TRIM58: variants seen among roughly 807,000 people sequenced by gnomAD.
The protein encoded by TRIM58 is tripartite motif containing 58.
In TRIM58, 38 loss-of-function variants were observed where a neutral mutation model predicts 34.1. The observed-to-expected ratio is 1.12, with a 90% CI of 0.86 to 1.46. The LOEUF (loss-of-function observed/expected upper bound fraction) is 1.46. TRIM58 is among the 40% of genes most tolerant of loss of function. The probability of loss-of-function intolerance (pLI) is 0.00; values close to 1 mark genes in which losing one functional copy is unlikely to be tolerated. For synonymous variants in TRIM58, 273 were observed against 275.7 expected (o/e 0.99, Z 0.10); for missense variants, 677 against 642.0 (o/e 1.05, Z -0.59).
intron 5 of TRIM58, among the ~76,000 whole-genome samples, chr1:247,868,956 G>A (rs868314593): frequency 6.6e-6 from 1 of 152,160 alleles, no homozygotes; most frequent in Non-Finnish European, 1.5e-5. Context: ...CTGGAGTGCA[G>A]TGGCGCCATC....
In TRIM58 at chr1:247,878,323, C is replaced by T. The variant is rs899657776; in HGVS notation, c.*1834C>T. The T allele has an allele frequency of 1.2e-4, 18 of 151,828 alleles. No individual in the cohort carries two copies. Among genetic ancestry groups the T allele is most frequent in the Non-Finnish European group, 1.8e-4 (12 of 67,984 alleles). The allele number at this position is 151,828 out of a possible 1,614,324, so 9.4% of individuals were successfully genotyped here. ...ATAATCTGCAGAAGGTTTAATTTTCCTCCTCAATTTGAAGTTCAAGATGTT... is the reference window on the plus strand; with the variant it reads ...ATAATCTGCAGAAGGTTTAATTTTCTTCCTCAATTTGAAGTTCAAGATGTT... On this transcript the variant is annotated 3_prime_UTR_variant, in exon 6 of 6. Coordinates refer to ENST00000366481, the MANE Select transcript of TRIM58 (RefSeq NM_015431.4).
chr1:247,864,740 G>T lies in TRIM58; in HGVS notation c.552G>T (p.Leu184Phe). Residue 184 changes from leucine (L) to phenylalanine (F), a missense_variant, in exon 3 of 6, where the codon TTG (leucine) becomes TTT (phenylalanine). Transcript: ENST00000366481. ...AAATGCAGAGGCAGCGCTTCAGATT[G>T]GAGTTTGAGAAGCATCGTGGCTTTC... ...KVEMQRQRFRLEFEKHRGFLA... is the reference protein window; with the variant it reads ...KVEMQRQRFRFEFEKHRGFLA... 1 of 1,614,180 alleles carries T rather than the reference G, an allele frequency of 6.2e-7. No individual in the cohort carries two copies. The highest frequency in any genetic ancestry group is 8.5e-7 in the Non-Finnish European group (1 of 1,180,042).
intron 3 of TRIM58, among the ~76,000 whole-genome samples, chr1:247,867,635 C>T (rs1033957281): frequency 5.3e-5 from 8 of 151,876 alleles, no homozygotes; most frequent in African/African-American, 1.7e-4. Context: ...CGCAGTGAGC[C>T]GAGATTGCGC....
At chr1:247,859,802 G>A (rs1663739500) in intron 1 of TRIM58, among the ~76,000 whole-genome samples, 2 of 151,744 alleles carry the variant, frequency 1.3e-5, no homozygotes, top group South Asian at 4.2e-4. Context: ...ATAGAGAAAT[G>A]TATAAATATA....
rs1448866040 is a variant in TRIM58, at chr1:247,878,352, C to G, written c.*1863C>G. ...TCAATTTGAAGTTCAAGATGTTTTTCTCTTCCAGGGAGATTTTTTCGACTG... is the reference window on the plus strand; with the variant it reads ...TCAATTTGAAGTTCAAGATGTTTTTGTCTTCCAGGGAGATTTTTTCGACTG... On this transcript the variant is annotated 3_prime_UTR_variant, in exon 6 of 6. Transcript: ENST00000366481. The G allele has an allele frequency of 6.6e-6, 1 of 152,144 alleles. No homozygotes were observed. Among genetic ancestry groups the G allele is most frequent in the Non-Finnish European group, 1.5e-5 (1 of 68,022 alleles). 9.4% of individuals were successfully genotyped at this position (152,144 alleles called of 1,614,324 possible). A position where few individuals can be genotyped will look rare whatever the true frequency, so the allele number is the denominator to read the frequency against.
At chr1:247,862,873 TG>T (rs1663827657) in intron 2 of TRIM58, among the ~76,000 whole-genome samples, 1 of 152,148 alleles carries the variant, frequency 6.6e-6, no homozygotes, top group African/African-American at 2.4e-5. Flanking sequence ...CTCAAGAGGG[TG>T]GTGTGAAAGG....
At chr1:247,873,081 T>G (rs1380228692) in intron 5 of TRIM58, among the ~76,000 whole-genome samples, 1 of 151,954 alleles carries the variant, frequency 6.6e-6, no homozygotes, top group Non-Finnish European at 1.5e-5. Flanking sequence ...AAATACAAAA[T>G]TAGCCAGGCG....
Position 247,857,367 on chromosome 1 carries a change from TCC to T in TRIM58, c.122_123del (p.Ser41Ter). 1 of 1,525,392 alleles carries T rather than the reference TCC, an allele frequency of 6.6e-7. No homozygotes were observed. The highest frequency in any genetic ancestry group is 1.2e-5 in the South Asian group (1 of 80,208). 94.5% of individuals were successfully genotyped at this position (1,525,392 alleles called of 1,614,324 possible). A position where few individuals can be genotyped will look rare whatever the true frequency, so the allele number is the denominator to read the frequency against. On this transcript the variant is annotated frameshift_variant, in exon 1 of 6. Transcript: ENST00000366481. LOFTEE classifies it high-confidence loss of function. Reference sequence around the variant, plus strand: ...CCACAGCTTCTGCCTCAGGTGCATCTCCGAGTTCTGCGAGAAGTCGGACGGCG... The same window carrying T: ...CCACAGCTTCTGCCTCAGGTGCATCTGAGTTCTGCGAGAAGTCGGACGGCG... Reference protein sequence around the residue: ...CGHSFCLRCISEFCEKSDGAQ... With the variant: ...CGHSFCLRCIXEFCEKSDGAQ...
At chr1:247,867,663 C>T (rs377193344) in intron 3 of TRIM58, among the ~76,000 whole-genome samples, 182 bp from the exon 4 acceptor site, 1 of 151,956 alleles carries the variant, frequency 6.6e-6, no homozygotes, top group Non-Finnish European at 1.5e-5. Flanking sequence ...CTCCAGCAGC[C>T]TGGGCAACAA....
At chr1:247,873,598 T>C (rs1178108407) in intron 5 of TRIM58, among the ~76,000 whole-genome samples, 2 of 152,164 alleles carry the variant, frequency 1.3e-5, no homozygotes, top group African/African-American at 2.4e-5. Context: ...GGGATGACAA[T>C]GGTGACCCTC....
chr1:247,878,420 T>A lies in TRIM58; in HGVS notation c.*1931T>A, dbSNP rs1180309561. Among the ~76,000 whole-genome samples, 1 of 152,214 alleles carries A rather than the reference T, an allele frequency of 6.6e-6. No homozygotes were observed. Among genetic ancestry groups the A allele is most frequent in the Non-Finnish European group, 1.5e-5 (1 of 68,030 alleles). On this transcript the variant is annotated 3_prime_UTR_variant, in exon 6 of 6. Transcript: ENST00000366481. ...TCCAATCATATTACTAACGTAGCCT[T>A]CTTCCTAGATTTTTTAATTGTTTGA...
Position 247,875,930 on chromosome 1 carries a change from A to G in TRIM58, c.902A>G (p.His301Arg). 6.2e-7 allele frequency: 1 copy of G among 1,611,398 alleles called. No homozygotes were observed. The highest frequency in any genetic ancestry group is 1.1e-5 in the South Asian group (1 of 90,932). Residue 301 changes from histidine (H) to arginine (R), a missense_variant, in exon 6 of 6, where the codon CAC becomes CGC. Transcript: ENST00000366481. ...GTAAAGCTGGATCCCGCCACGGCGCACCCGAGTCTGCTCTTGACCGCCGAC... is the reference window on the plus strand; with the variant it reads ...GTAAAGCTGGATCCCGCCACGGCGCGCCCGAGTCTGCTCTTGACCGCCGAC... ...VDVKLDPATA[H>R]PSLLLTADLR...
intron 5 of TRIM58, among the ~76,000 whole-genome samples, 187 bp from the exon 6 acceptor site, chr1:247,875,713 A>C (rs1659267491): frequency 6.6e-6 from 1 of 152,204 alleles, no homozygotes; most frequent in South Asian, 2.1e-4. Context: ...CCAGAAAGTT[A>C]TAAAGAATAA....
intron 3 of TRIM58, among the ~76,000 whole-genome samples, chr1:247,867,444 A>G (rs1663955743): frequency 6.6e-6 from 1 of 152,220 alleles, no homozygotes; most frequent in Non-Finnish European, 1.5e-5. Flanking sequence ...CTGTAATCCC[A>G]GCACTTTGGG....
chr1:247,867,349 T>A (rs1419642250), intron 3 of TRIM58, among the ~76,000 whole-genome samples: 1 of 152,182 alleles, frequency 6.6e-6, no homozygotes, highest in Non-Finnish European at 1.5e-5. Flanking sequence ...CAGAAGATAA[T>A]TAAATTGATA....
chr1:247,875,803 A>G (rs969850403), intron 5 of TRIM58, 97 bp from the exon 6 acceptor site: 4 of 1,037,574 alleles, frequency 3.9e-6, no homozygotes, highest in Admixed American at 2.8e-5. Flanking sequence ...TAGAGAGAGA[A>G]AAGTGAGGAA....
At chr1:247,858,252 T>C (rs1558347741) in intron 1 of TRIM58, among the ~76,000 whole-genome samples, 1 of 152,044 alleles carries the variant, frequency 6.6e-6, no homozygotes, top group Non-Finnish European at 1.5e-5. Flanking sequence ...GGACTTAGGA[T>C]TCGAACATCC....
chr1:247,880,087 T>G lies in TRIM58; in HGVS notation c.*3598T>G, dbSNP rs184672573. Among the ~76,000 whole-genome samples, 181 of 152,312 alleles carry G rather than the reference T, an allele frequency of 1.2e-3. 1 individual carries two copies. Among genetic ancestry groups the G allele is most frequent in the African/African-American group, 4.1e-3 (171 of 41,576 alleles). On this transcript the variant is annotated 3_prime_UTR_variant, in exon 6 of 6. Transcript: ENST00000366481. ...AATGCTGGTTTGTATGTGGTTATCA[T>G]TCAATCTGTATTTGTTGAATGAATA...
rs935421302 is a variant in TRIM58, at chr1:247,880,108, G to T, written c.*3619G>T. 1.3e-5 allele frequency among the ~76,000 whole-genome samples: 2 copies of T among 152,146 alleles called. No individual in the cohort carries two copies. The highest frequency in any genetic ancestry group is 2.9e-5 in the Non-Finnish European group (2 of 68,030). The stretch of plus-strand genomic sequence containing the variant: ...ATCATTCAATCTGTATTTGTTGAAT[G>T]AATAAATGATTGACTATGTGGAGAG... On this transcript the variant is annotated 3_prime_UTR_variant, in exon 6 of 6. Transcript: ENST00000366481.
Sources: allele counts gnomAD v4.1 joint callset (sites outside exome capture counted in the v4.1 genomes callset), GRCh38; gene constraint gnomAD v4.1.1; transcripts MANE v1.5; gene names NCBI Gene and HGNC (gene_info 2026-07-23, HGNC 2026-07-21).